The following EEFSEC variants were observed in gnomAD, a reference collection of about 807,000 sequenced individuals.
The protein encoded by EEFSEC is selenocysteine-specific elongation factor.
EEFSEC carries 43 observed loss-of-function variants against 42.1 expected under a neutral mutation model. The observed-to-expected ratio is 1.02, with a 90% CI of 0.80 to 1.32. The LOEUF (loss-of-function observed/expected upper bound fraction) is 1.32. EEFSEC is among the 40% of genes most tolerant of loss of function. The pLI is 0.00. For synonymous variants in EEFSEC, 354 were observed against 339.1 expected (o/e 1.04, Z -0.48); for missense variants, 745 against 803.6 (o/e 0.93, Z 0.88).
At chr3:128,311,929 C>G (rs1481477106) in intron 4 of EEFSEC, among the ~76,000 whole-genome samples, 1 of 152,198 alleles carries the variant, frequency 6.6e-6, no homozygotes, top group Non-Finnish European at 1.5e-5. Flanking sequence ...CACCCCTCTT[C>G]CCGCTTGACT....
chr3:128,399,765 G>C lies in EEFSEC; in HGVS notation c.1601-8304G>C, dbSNP rs140608126. Among the ~76,000 whole-genome samples the C allele has an allele frequency of 2.6e-5, 4 of 151,822 alleles. No individual in the cohort carries two copies. The East Asian group carries it at 7.8e-4, about 30-fold the overall frequency. On this transcript the variant is annotated intron_variant, in intron 6 of 6. Transcript: ENST00000254730. ...CACACTGGCTCTCTCTGCCCACCTG[G>C]CTCTCCCCAGCCCTGCCAGGCCTGT...
rs1293269400 is a variant in EEFSEC, at chr3:128,341,389, G to A, written c.943G>A (p.Ala315Thr). The part of the protein sequence containing the change: ...APESLHTVHA[A>T]LISVEKIPYF... ...CGAGTCCCTGCACACTGTCCATGCG[G>A]CCCTCATCTCTGTGGAAAAGATACC... The change falls in exon 5 of 7, where the codon GCC becomes ACC. Residue 315 changes from alanine to threonine, a missense_variant. Ala to Thr is a moderately conservative substitution (Grantham distance 58). Coordinates refer to ENST00000254730, the MANE Select transcript of EEFSEC (RefSeq NM_021937.5). 6 of 1,614,144 alleles carry A rather than the reference G, an allele frequency of 3.7e-6. No homozygotes were observed. Among genetic ancestry groups the A allele is most frequent in the South Asian group, 1.1e-5 (1 of 91,072 alleles).
the EEFSEC span, among the ~76,000 whole-genome samples, chr3:128,416,971 C>A: frequency 7.2e-5 from 11 of 152,222 alleles, no homozygotes; most frequent in African/African-American, 2.4e-4. Flanking sequence ...AGAGAGCGAT[C>A]GTGGTGGGTG....
At chr3:128,356,625 A>T (rs751949714) in intron 5 of EEFSEC, among the ~76,000 whole-genome samples, 5 of 152,196 alleles carry the variant, frequency 3.3e-5, no homozygotes, top group Non-Finnish European at 7.3e-5. Flanking sequence ...TAAACAGGTG[A>T]TGCATTCATG....
chr3:128,309,577 C>A (rs986388790), intron 4 of EEFSEC, among the ~76,000 whole-genome samples: 1 of 152,146 alleles, frequency 6.6e-6, no homozygotes, highest in Non-Finnish European at 1.5e-5. Context: ...AAGTAAAAGA[C>A]CATCGGTTCT....
chr3:128,340,661 C>A (rs2067240026), intron 4 of EEFSEC, among the ~76,000 whole-genome samples: 1 of 152,192 alleles, frequency 6.6e-6, no homozygotes, highest in Admixed American at 6.5e-5. Flanking sequence ...AGTGACCATG[C>A]AGCAGGCTGT....
At chr3:128,297,940 A>G (rs951747337) in intron 4 of EEFSEC, among the ~76,000 whole-genome samples, 5 of 152,204 alleles carry the variant, frequency 3.3e-5, no homozygotes, top group Non-Finnish European at 7.3e-5. Context: ...ACATTGCTGC[A>G]GTCCAGGAGC....
intron 6 of EEFSEC, among the ~76,000 whole-genome samples, chr3:128,394,941 T>C (rs776057889): frequency 8.5e-5 from 13 of 152,110 alleles, no homozygotes; most frequent in Non-Finnish European, 1.5e-4. Flanking sequence ...TGGCCAGCCA[T>C]TGGGTTTGGG....
chr3:128,420,855 C>A, the EEFSEC span, among the ~76,000 whole-genome samples: 8 of 152,150 alleles, frequency 5.3e-5, no homozygotes, highest in Admixed American at 1.3e-4. Flanking sequence ...CCCACTGTGC[C>A]CCCTCCTCTG....
At chr3:128,314,153 A>T (rs908034175) in intron 4 of EEFSEC, among the ~76,000 whole-genome samples, 2 of 152,196 alleles carry the variant, frequency 1.3e-5, no homozygotes, top group African/African-American at 4.8e-5. Flanking sequence ...GAGCACGTTA[A>T]CCAACTGTTG....
chr3:128,290,189 T>C (rs1306571895), intron 4 of EEFSEC, among the ~76,000 whole-genome samples: 1 of 152,230 alleles, frequency 6.6e-6, no homozygotes, highest in East Asian at 1.9e-4. Context: ...TCTCTAATGT[T>C]TTCTTCTGGA....
chr3:128,278,914 T>C (rs2066495572), intron 4 of EEFSEC, among the ~76,000 whole-genome samples: 1 of 152,230 alleles, frequency 6.6e-6, no homozygotes, highest in Non-Finnish European at 1.5e-5. Flanking sequence ...ATGCTGCTGC[T>C]GTGGCAGCTG....
intron 2 of EEFSEC, among the ~76,000 whole-genome samples, chr3:128,259,321 T>C (rs1329287636): frequency 6.6e-6 from 1 of 152,170 alleles, no homozygotes; most frequent in African/African-American, 2.4e-5. Flanking sequence ...ATACATTGGG[T>C]ATACAAACAA....
At chr3:128,226,609 A>T (rs1008244563) in intron 1 of EEFSEC, among the ~76,000 whole-genome samples, 5 of 152,108 alleles carry the variant, frequency 3.3e-5, no homozygotes, top group Non-Finnish European at 7.4e-5. Context: ...TCCAGTTGCT[A>T]AATTCCCCTC....
intron 4 of EEFSEC, among the ~76,000 whole-genome samples, chr3:128,316,798 C>T (rs899481495): frequency 3.3e-5 from 5 of 152,188 alleles, no homozygotes; most frequent in African/African-American, 1.2e-4. Context: ...TCAGTGCCAT[C>T]ATTTTCCCCT....
chr3:128,219,707 G>A (rs2065844149), intron 1 of EEFSEC, among the ~76,000 whole-genome samples: 1 of 151,826 alleles, frequency 6.6e-6, no homozygotes, highest in Non-Finnish European at 1.5e-5. Flanking sequence ...ATGAGGACAG[G>A]GACCTTATTT....
At chr3:128,283,687 C>A (rs1001626517) in intron 4 of EEFSEC, among the ~76,000 whole-genome samples, 3 of 152,130 alleles carry the variant, frequency 2.0e-5, no homozygotes, top group Admixed American at 6.5e-5. Flanking sequence ...CAGGTGCAAG[C>A]CCCAGCTCTG....
At chr3:128,401,744 TGAGG>T (rs1309487445) in intron 6 of EEFSEC, among the ~76,000 whole-genome samples, 2 of 152,060 alleles carry the variant, frequency 1.3e-5, no homozygotes, top group Admixed American at 6.5e-5. Flanking sequence ...CCAGGTGGGA[TGAGG>T]GAGGAGGCAG....
At chr3:128,334,618 GAAT>G (rs1463028076) in intron 4 of EEFSEC, among the ~76,000 whole-genome samples, 2 of 152,240 alleles carry the variant, frequency 1.3e-5, no homozygotes, top group Non-Finnish European at 2.9e-5. Context: ...TTTTTATGAA[GAAT>G]AACTGACCCA....
Sources: allele counts gnomAD v4.1 joint callset (sites outside exome capture counted in the v4.1 genomes callset), GRCh38; gene constraint gnomAD v4.1.1; transcripts MANE v1.5; gene names NCBI Gene and HGNC (gene_info 2026-07-23, HGNC 2026-07-21).